The following EREG variants were observed in gnomAD, a reference collection of about 807,000 sequenced individuals.
EREG encodes the protein epiregulin.
In EREG, 23 loss-of-function variants were observed where a neutral mutation model predicts 22.4. The ratio of observed to expected loss-of-function variants is 1.03; its 90% CI spans 0.74 to 1.46. The LOEUF is 1.46. Among genes scored for constraint, EREG ranks in the 40% most tolerant of loss-of-function variants. The pLI is 0.00. For missense variants in EREG, 226 were observed against 205.9 expected (o/e 1.10, Z -0.60); for synonymous variants, 100 against 75.4 (o/e 1.33, Z -1.69).
At chr4:74,381,332 C>A (rs937936541) in intron 3 of EREG, 195 bp downstream of exon 3, 7 of 496,524 alleles carry the variant, frequency 1.4e-5, no homozygotes, top group Admixed American at 3.7e-5. Context: ...ACTCTTCTAC[C>A]TTTTGAAGTC....
At chr4:74,368,558 A>G (rs1239956938) in intron 1 of EREG, among the ~76,000 whole-genome samples, 2 of 151,974 alleles carry the variant, frequency 1.3e-5, no homozygotes, top group African/African-American at 2.4e-5. Context: ...TCCTTGGTTT[A>G]AAAAAAATAA....
At position 74,381,130 on chromosome 4, in the gene EREG, T is replaced by C. The variant is rs376767812; in HGVS notation, c.271T>C (p.Tyr91His). ...CTATCTGGTGGACATGAGTCAAAAC[T>C]ACTGCAGGTAATATGTCAGAAATAA... ...CIYLVDMSQN[Y>H]CRCEVGYTGV... The change falls in exon 3 of 5, where the codon TAC becomes CAC. Residue 91 changes from tyrosine (Y) to histidine (H), a missense_variant. Physicochemically the swap from Tyr to His is moderately conservative, Grantham distance 83. Coordinates refer to ENST00000244869, the MANE Select transcript of EREG (RefSeq NM_001432.3). The C allele has an allele frequency of 8.1e-6, 13 of 1,610,808 alleles. No individual in the cohort carries two copies. The highest frequency in any genetic ancestry group is 8.5e-7 in the Non-Finnish European group (1 of 1,179,050).
intron 1 of EREG, among the ~76,000 whole-genome samples, chr4:74,366,664 T>C (rs1377798834): frequency 6.6e-6 from 1 of 152,180 alleles, no homozygotes; most frequent in African/African-American, 2.4e-5. Context: ...ATCTGAACAA[T>C]GCACATGTCT....
At chr4:74,382,420 G>A in intron 3 of EREG, 1 of 416,656 alleles carries the variant, frequency 2.4e-6, no homozygotes, top group Non-Finnish European at 4.3e-6. Flanking sequence ...CACCATGACA[G>A]CTGAACACAA....
At chr4:74,373,870 A>C (rs1752335306) in intron 1 of EREG, among the ~76,000 whole-genome samples, 1 of 152,112 alleles carries the variant, frequency 6.6e-6, no homozygotes, top group Admixed American at 6.6e-5. Flanking sequence ...ATTTTGACCA[A>C]GGTGAAGCAA....
chr4:74,373,622 G>T (rs373578877), intron 1 of EREG, among the ~76,000 whole-genome samples: 3 of 145,320 alleles, frequency 2.1e-5, no homozygotes, highest in Non-Finnish European at 4.5e-5. Flanking sequence ...ATATATGTGA[G>T]TGTATATATA....
chr4:74,369,100 T>A (rs980517395), intron 1 of EREG, among the ~76,000 whole-genome samples: 15 of 152,208 alleles, frequency 9.9e-5, no homozygotes, highest in African/African-American at 3.1e-4. Context: ...ATGGATTTTT[T>A]AATATATCTC....
At position 74,369,860 on chromosome 4, in the gene EREG, A is replaced by G. The variant is rs74966475; in HGVS notation, c.67+4485A>G. On this transcript the variant is annotated intron_variant, in intron 1 of 4. Transcript: ENST00000244869. ...TTGTCCACAATAACCTTGTCAGGTA[A>G]TTGTATGTAGATTTAATGGATAAGA... is the stretch of plus-strand genomic sequence containing the variant. 6.7e-3 allele frequency among the ~76,000 whole-genome samples: 1,020 copies of G among 152,140 alleles called. 16 individuals carry two copies. The highest frequency in any genetic ancestry group is 0.023 in the African/African-American group (949 of 41,504).
chr4:74,374,694 G>A (rs1237487806), intron 1 of EREG, among the ~76,000 whole-genome samples: 1 of 152,108 alleles, frequency 6.6e-6, no homozygotes, highest in Admixed American at 6.5e-5. Context: ...TTCCTATGAT[G>A]GCACTCAACC....
intron 1 of EREG, among the ~76,000 whole-genome samples, chr4:74,375,080 T>G (rs1214735146): frequency 2.6e-5 from 4 of 152,112 alleles, no homozygotes; most frequent in Non-Finnish European, 5.9e-5. Flanking sequence ...TCTGTTTTTT[T>G]GACATAGATA....
Position 74,381,018 on chromosome 4 carries a change from G to T in EREG, c.159G>T (p.Gln53His), listed in dbSNP as rs758549905. The change falls in exon 3 of 5, where the codon CAG (glutamine) becomes CAT (histidine). Residue 53 changes from glutamine (Q) to histidine (H), a missense_variant. Transcript: ENST00000244869. ...ESSDNCTALV[Q>H]TEDNPRVAQV... ...AACTTTCCACTTCTTTTACAGTTCA[G>T]ACAGAAGACAATCCACGTGTGGCTC... 4 of 1,612,992 alleles carry T rather than the reference G, an allele frequency of 2.5e-6. No individual in the cohort carries two copies. Among genetic ancestry groups the T allele is most frequent in the Non-Finnish European group, 3.4e-6 (4 of 1,179,596 alleles).
chr4:74,387,753 A>G lies in EREG; in HGVS notation c.*2945A>G, dbSNP rs1216321628. The stretch of plus-strand genomic sequence containing the variant: ...TTCTAGAAGGGGCTATGCATATTCA[A>G]TGTATTGAGAACCAAAGCAACCACA... On this transcript the variant is annotated 3_prime_UTR_variant, in exon 5 of 5. Coordinates refer to ENST00000244869, the MANE Select transcript of EREG (RefSeq NM_001432.3). The G allele has an allele frequency of 2.6e-5, 4 of 152,188 alleles. 1 individual carries two copies. The highest frequency in any genetic ancestry group is 7.2e-5 in the African/African-American group (3 of 41,444). 9.4% of individuals were successfully genotyped at this position (152,188 alleles called of 1,614,324 possible).
intron 1 of EREG, among the ~76,000 whole-genome samples, chr4:74,366,714 C>A (rs7662139): frequency 0.83 from 126,382 of 152,152 alleles, 52,688 homozygotes; most frequent in African/African-American, 0.88. Context: ...TTGAGACAGC[C>A]AGAGCCTGTG....
At chr4:74,370,637 GAT>G (rs1314467290) in intron 1 of EREG, among the ~76,000 whole-genome samples, 14 of 152,128 alleles carry the variant, frequency 9.2e-5, no homozygotes, top group South Asian at 8.3e-4. Flanking sequence ...GAGAGAGAGA[GAT>G]AGAGAGAGAG....
chr4:74,379,513 A>G lies in EREG; in HGVS notation c.133A>G (p.Ser45Gly). 1 of 1,609,160 alleles carries G rather than the reference A, an allele frequency of 6.2e-7. No homozygotes were observed. Among genetic ancestry groups the G allele is most frequent in the Non-Finnish European group, 8.5e-7 (1 of 1,175,500 alleles). The change falls in exon 2 of 5, where the codon AGT becomes GGT. Residue 45 changes from serine to glycine, a missense_variant. Transcript: ENST00000244869. ...TCCATCATGTATCCCAGGAGAGTCC[A>G]GTGATAACTGCACAGCTTTAGGTAA... is the stretch of plus-strand genomic sequence containing the variant. The part of the protein sequence containing the change: ...VIPSCIPGES[S>G]DNCTALVQTE...
chr4:74,367,643 G>C (rs1752209502), intron 1 of EREG, among the ~76,000 whole-genome samples: 1 of 152,130 alleles, frequency 6.6e-6, no homozygotes, highest in Admixed American at 6.6e-5. Flanking sequence ...AAAATATGAG[G>C]AGCATAAATC....
chr4:74,380,869 T>A, intron 2 of EREG, 145 bp from the exon 3 acceptor site: 3 of 749,592 alleles, frequency 4.0e-6, no homozygotes, highest in Non-Finnish European at 6.5e-6. Flanking sequence ...ACAACTAGAG[T>A]GACTTCCTAC....
chr4:74,373,467 G>A (rs559669670), intron 1 of EREG, among the ~76,000 whole-genome samples: 2 of 151,542 alleles, frequency 1.3e-5, no homozygotes, highest in South Asian at 4.2e-4. Context: ...GGTTTCATAT[G>A]TTTTATCTCA....
chr4:74,385,030 A>G lies in EREG; in HGVS notation c.*222A>G, dbSNP rs573776087. Reference sequence around the variant, plus strand: ...ATATCAAAAGAAAATTGATATTTTTATACAAGTAATTTCCTGAGCTAAATG... The same window carrying G: ...ATATCAAAAGAAAATTGATATTTTTGTACAAGTAATTTCCTGAGCTAAATG... On this transcript the variant is annotated 3_prime_UTR_variant, in exon 5 of 5. Transcript: ENST00000244869. 397 of 412,888 alleles carry G rather than the reference A, an allele frequency of 9.6e-4. 1 individual carries two copies. The highest frequency in any genetic ancestry group is 9.7e-4 in the Non-Finnish European group (224 of 230,210). The allele number at this position is 412,888 out of a possible 1,614,324, so 25.6% of individuals were successfully genotyped here. A position where few individuals can be genotyped will look rare whatever the true frequency, so the allele number is the denominator to read the frequency against.
Sources: allele counts gnomAD v4.1 joint callset (sites outside exome capture counted in the v4.1 genomes callset), GRCh38; gene constraint gnomAD v4.1.1; transcripts MANE v1.5; gene names NCBI Gene and HGNC (gene_info 2026-07-23, HGNC 2026-07-21).